The following DSC2 variants were observed in gnomAD, a reference collection of about 807,000 sequenced individuals.
DSC2 encodes desmocollin 2.
DSC2 carries 51 observed loss-of-function variants against 87.6 expected under a neutral mutation model. That is an observed-to-expected ratio of 0.58 (90% confidence interval 0.46 to 0.74). DSC2 has a LOEUF of 0.74. Among genes scored for constraint, DSC2 ranks in the 30% least tolerant of loss-of-function variants. DSC2 has a pLI of 0.00. For missense variants in DSC2, 1,066 were observed against 1,089.5 expected, an observed-to-expected ratio of 0.98 and a Z score of 0.30; for synonymous variants, 383 against 393.2, an observed-to-expected ratio of 0.97 and a Z score of 0.31.
rs368748408 is a variant in DSC2 at position 31,060,426 on chromosome 18, C to G, written c.*7589G>C. 1 of 152,126 alleles carries G rather than the reference C, an allele frequency of 6.6e-6. No individual in the cohort carries two copies. The highest frequency in any genetic ancestry group is 6.5e-5 in the Admixed American group (1 of 15,268). 9.4% of individuals were successfully genotyped at this position (152,126 alleles called of 1,614,324 possible). On this transcript the variant is annotated 3_prime_UTR_variant, in exon 16 of 16. Coordinates refer to ENST00000280904, the MANE Select transcript of DSC2 (RefSeq NM_024422.6). ...TGTTCCCAGGGGAACACTCCTTAAG[C>G]TGAAAAGTCTCGTCTCTACCCTCAT...
chr18:31,093,209 C>A (rs1231674519), intron 2 of DSC2, among the ~76,000 whole-genome samples: 2 of 152,032 alleles, frequency 1.3e-5, no homozygotes, highest in African/African-American at 4.8e-5. Context: ...AAACACATGC[C>A]ATGTTGGTTT....
At chr18:31,096,928 T>C (rs2144858250) in intron 1 of DSC2, among the ~76,000 whole-genome samples, 1 of 152,188 alleles carries the variant, frequency 6.6e-6, no homozygotes, top group Non-Finnish European at 1.5e-5. Flanking sequence ...ACCATTACAT[T>C]ACTATAAAAC....
At chr18:31,096,564 T>G (rs953798773) in intron 1 of DSC2, among the ~76,000 whole-genome samples, 3 of 152,294 alleles carry the variant, frequency 2.0e-5, no homozygotes, top group African/African-American at 7.2e-5. Flanking sequence ...TTTTGCTTGG[T>G]CCAGAAACTT....
intron 5 of DSC2, among the ~76,000 whole-genome samples, chr18:31,088,982 G>A (rs1987495046): frequency 6.6e-6 from 1 of 151,898 alleles, no homozygotes; most frequent in Admixed American, 6.6e-5. Flanking sequence ...TGGCCAACAT[G>A]GTGAAACCCC....
chr18:31,093,149 T>C (rs1250651559), intron 2 of DSC2, among the ~76,000 whole-genome samples: 1 of 152,220 alleles, frequency 6.6e-6, no homozygotes, highest in Non-Finnish European at 1.5e-5. Context: ...TGTGTTTTTA[T>C]TTTAAGTTTC....
At position 31,060,792 on chromosome 18, in the gene DSC2, C is replaced by T. The variant is rs1986485525; in HGVS notation, c.*7223G>A. ...ACCTTAAGACTATTTCTCTCGTTCACATGCATGTAGAAAGTAGAAACCACA... is the reference window on the plus strand; with the variant it reads ...ACCTTAAGACTATTTCTCTCGTTCATATGCATGTAGAAAGTAGAAACCACA... On this transcript the variant is annotated 3_prime_UTR_variant, in exon 16 of 16. Coordinates refer to ENST00000280904, the MANE Select transcript of DSC2 (RefSeq NM_024422.6). The T allele has an allele frequency of 6.6e-6, 1 of 152,226 alleles. No individual in the cohort carries two copies. Among genetic ancestry groups the T allele is most frequent in the Non-Finnish European group, 1.5e-5 (1 of 68,046 alleles). The allele number at this position is 152,226 out of a possible 1,614,324, so 9.4% of individuals were successfully genotyped here.
rs886053692 is a variant in DSC2, at chr18:31,067,849, G to C, written c.*166C>G. On this transcript the variant is annotated 3_prime_UTR_variant, in exon 16 of 16. Transcript: ENST00000280904. The stretch of plus-strand genomic sequence containing the variant: ...TAAAAATTGAAAAATTTGTGTACTT[G>C]TTTATAGTGTCTCTCTGTAAATGTG... The C allele has an allele frequency of 2.9e-5, 19 of 656,806 alleles. No individual in the cohort carries two copies. In the East Asian group the frequency reaches 5.0e-4, roughly 17 times the overall value. The allele number at this position is 656,806 out of a possible 1,614,324, so 40.7% of individuals were successfully genotyped here. A position where few individuals can be genotyped will look rare whatever the true frequency, so the allele number is the denominator to read the frequency against.
chr18:31,098,291 A>G lies in DSC2; in HGVS notation c.69+3612T>C, dbSNP rs75663119. ...TGTAGGGAAACATATTTTACATTTA[A>G]ATCTTTCATCTCTGGAATTTTCTGT... On this transcript the variant is annotated intron_variant, in intron 1 of 15. Transcript: ENST00000280904. Among the ~76,000 whole-genome samples the G allele has an allele frequency of 4.7e-3, 719 of 152,160 alleles. 8 individuals are homozygous for G. Among genetic ancestry groups the G allele is most frequent in the Middle Eastern group, 0.02 (6 of 294 alleles).
intron 7 of DSC2, among the ~76,000 whole-genome samples, chr18:31,083,502 T>C (rs1381504963): frequency 4.6e-5 from 7 of 152,218 alleles, no homozygotes; most frequent in Non-Finnish European, 1.0e-4. Flanking sequence ...AATTGCCTGG[T>C]AATTAATCAA....
At chr18:31,075,633 C>G (rs1986990190) in intron 11 of DSC2, among the ~76,000 whole-genome samples, 1 of 152,082 alleles carries the variant, frequency 6.6e-6, no homozygotes, top group South Asian at 2.1e-4. Context: ...GGCAGATCAC[C>G]TGAGGTCAGG....
rs539929025 is a variant in DSC2 at position 31,067,927 on chromosome 18, A to G, written c.*88T>C. ...TAATGAGAGAAAAACCCCCACAAAT[A>G]GCATCTTCTGCTTTAAAAAATTCTT... On this transcript the variant is annotated 3_prime_UTR_variant, in exon 16 of 16. Transcript: ENST00000280904. The G allele has an allele frequency of 8.3e-7, 1 of 1,212,114 alleles. No individual in the cohort carries two copies. Among genetic ancestry groups the G allele is most frequent in the African/African-American group, 1.5e-5 (1 of 66,540 alleles). 75.1% of individuals were successfully genotyped at this position (1,212,114 alleles called of 1,614,324 possible).
Position 31,079,872 on chromosome 18 carries a change from A to G in DSC2, c.1638T>C (p.Asn546=), listed in dbSNP as rs145987522. 8.7e-6 allele frequency: 14 copies of G among 1,613,874 alleles called. No homozygotes were observed. In the African/African-American group the frequency reaches 1.7e-4, roughly 20 times the overall value. ...CTTGGTCTGATGCAAGGACTGTAAT[A>G]TTATATATGCCATTTTTGATGGTCT... is the stretch of plus-strand genomic sequence containing the variant. ...EAETIKNGIY[N]ITVLASDQGG... Residue 546 remains asparagine, a synonymous_variant, in exon 11 of 16, where the codon AAT becomes AAC. Transcript: ENST00000280904.
At chr18:31,069,613 G>C (rs1275163354) in intron 14 of DSC2, among the ~76,000 whole-genome samples, 1 of 151,744 alleles carries the variant, frequency 6.6e-6, no homozygotes, top group African/African-American at 2.4e-5. Flanking sequence ...TACTCGGGAG[G>C]CTAAGGCACA....
At chr18:31,081,133 C>G (rs1418015974) in intron 9 of DSC2, among the ~76,000 whole-genome samples, 1 of 151,896 alleles carries the variant, frequency 6.6e-6, no homozygotes, top group African/African-American at 2.4e-5. Context: ...GTCTTACCCT[C>G]CTAAGATGAA....
intron 7 of DSC2, among the ~76,000 whole-genome samples, chr18:31,084,640 A>G (rs1212161962): frequency 6.6e-6 from 1 of 151,598 alleles, no homozygotes; most frequent in African/African-American, 2.4e-5. Context: ...TTGATTTAGG[A>G]GCTGAACAAG....
chr18:31,078,164 G>GTT (rs1455601293), intron 11 of DSC2, among the ~76,000 whole-genome samples: 1 of 152,140 alleles, frequency 6.6e-6, no homozygotes, highest in Non-Finnish European at 1.5e-5. Context: ...GAGTGGCAGG[G>GTT]AGAACCCAAA....
intron 12 of DSC2, among the ~76,000 whole-genome samples, chr18:31,072,206 T>A (rs1986859380): frequency 6.6e-6 from 1 of 152,246 alleles, no homozygotes; most frequent in Non-Finnish European, 1.5e-5. Context: ...ACATTTTCTT[T>A]TACACATGCT....
In DSC2 at chr18:31,071,814, T is replaced by C. The variant is rs369281243; in HGVS notation, c.1916A>G (p.Asn639Ser). The change falls in exon 13 of 16, where the codon AAT becomes AGT. Residue 639 changes from asparagine (N) to serine (S), a missense_variant. By Grantham distance (46) the Asn-to-Ser change is conservative (BLOSUM62 1). Transcript: ENST00000280904. ...NDTAARLSYQNDPPFGSYVVP... is the reference protein window; with the variant it reads ...NDTAARLSYQSDPPFGSYVVP... ...TACATATGAGCCAAATGGAGGATCATTCTGATAGGAAAGACGTGCTGCTGT... is the reference window on the plus strand; with the variant it reads ...TACATATGAGCCAAATGGAGGATCACTCTGATAGGAAAGACGTGCTGCTGT... The C allele has an allele frequency of 6.2e-7, 1 of 1,613,798 alleles. No homozygotes were observed. The highest frequency in any genetic ancestry group is 1.3e-5 in the African/African-American group (1 of 74,944).
chr18:31,086,772 A>G (rs747589725), intron 6 of DSC2, 30 bp from the exon 7 acceptor site: 5 of 1,605,114 alleles, frequency 3.1e-6, no homozygotes, highest in Non-Finnish European at 4.3e-6. Context: ...TTTAATCTCC[A>G]AAACATTCAC....
Sources: gnomAD v4.1 joint callset for allele counts (sites outside exome capture counted in the v4.1 genomes callset) on GRCh38, gnomAD v4.1.1 for gene constraint, MANE v1.5 for transcripts, NCBI Gene and HGNC (gene_info 2026-07-23, HGNC 2026-07-21) for gene names.